Variants in LPP observed in about 807,000 individuals in gnomAD.
The protein encoded by LPP is lipoma-preferred partner.
Under a neutral mutation model 60.4 loss-of-function variants are expected in LPP, and 38 were observed. The ratio of observed to expected loss-of-function variants is 0.63; its 90% CI spans 0.49 to 0.83. The LOEUF is 0.83. Among genes scored for constraint, LPP ranks in the 40% least tolerant of loss-of-function variants. The pLI is 0.00. For missense variants in LPP, 902 were observed against 783.6 expected (o/e 1.15, Z -1.80); for synonymous variants, 328 against 290.8 (o/e 1.13, Z -1.30).
At chr3:188,618,484 G>A (rs1446454768) in intron 7 of LPP, among the ~76,000 whole-genome samples, 1 of 152,108 alleles carries the variant, frequency 6.6e-6, no homozygotes, top group Non-Finnish European at 1.5e-5. Flanking sequence ...AACTGACGTC[G>A]CCTCACTGCC....
chr3:188,262,152 G>T (rs773894095), intron 2 of LPP, among the ~76,000 whole-genome samples: 1 of 152,122 alleles, frequency 6.6e-6, no homozygotes, highest in Non-Finnish European at 1.5e-5. Flanking sequence ...CCCCGAAGGG[G>T]TTTGAGGCAG....
chr3:188,342,695 GA>G (rs1018544475), intron 3 of LPP, among the ~76,000 whole-genome samples: 6 of 152,128 alleles, frequency 3.9e-5, no homozygotes, highest in East Asian at 1.9e-4. Context: ...AGACCTTTGA[GA>G]AGAATAAAAT....
chr3:188,319,112 C>T (rs1285061284), intron 2 of LPP, among the ~76,000 whole-genome samples: 1 of 152,180 alleles, frequency 6.6e-6, no homozygotes, highest in Non-Finnish European at 1.5e-5. Context: ...TATAGTTTCA[C>T]AGATGCTTGA....
intron 9 of LPP, among the ~76,000 whole-genome samples, chr3:188,804,243 T>TATATATATATATATA (rs1553853278): frequency 5.3e-5 from 2 of 37,698 alleles, no homozygotes; most frequent in Non-Finnish European, 8.6e-5. Flanking sequence ...TAGTGCATCT[T>TATATATATATATATA]TATATATATA....
intron 6 of LPP, among the ~76,000 whole-genome samples, chr3:188,578,557 T>A (rs1378305089): frequency 6.6e-6 from 1 of 152,214 alleles, no homozygotes; most frequent in Non-Finnish European, 1.5e-5. Flanking sequence ...TTTTTGTGTG[T>A]CTTACTTTTT....
chr3:188,560,223 T>A lies in LPP; in HGVS notation c.429+35436T>A, dbSNP rs534826269. On this transcript the variant is annotated intron_variant, in intron 6 of 11. Transcript: ENST00000617246. ...GGTTTACTTCCCCTTCTGTAGATGG[T>A]CCAGGGTCTCTGACGCATCTCTGCT... Among the ~76,000 whole-genome samples, 4 of 152,228 alleles carry A rather than the reference T, an allele frequency of 2.6e-5. No homozygotes were observed. In the South Asian group the frequency reaches 8.3e-4, roughly 32 times the overall value.
chr3:188,287,232 C>T (rs1744236952), intron 2 of LPP, among the ~76,000 whole-genome samples: 1 of 152,242 alleles, frequency 6.6e-6, no homozygotes, highest in South Asian at 2.1e-4. Flanking sequence ...CAAGTTTCCA[C>T]CAGCCTCATA....
chr3:188,747,008 T>C (rs560752117), intron 8 of LPP, among the ~76,000 whole-genome samples: 1 of 152,296 alleles, frequency 6.6e-6, no homozygotes, highest in East Asian at 1.9e-4. Context: ...TATCTCATAA[T>C]AAAAACTGAA....
chr3:188,318,305 G>T (rs1044479064), intron 2 of LPP, among the ~76,000 whole-genome samples: 11 of 151,418 alleles, frequency 7.3e-5, no homozygotes, highest in African/African-American at 2.2e-4. Flanking sequence ...TTCTTTTTTT[G>T]GTTCACTGTT....
chr3:188,793,372 G>A (rs1177840696), intron 9 of LPP, among the ~76,000 whole-genome samples: 1 of 151,924 alleles, frequency 6.6e-6, no homozygotes, highest in Admixed American at 6.6e-5. Context: ...AGCAGAGATG[G>A]CGTTTTGTCA....
intron 8 of LPP, among the ~76,000 whole-genome samples, chr3:188,722,305 C>T (rs1170593672): frequency 6.6e-6 from 1 of 152,104 alleles, no homozygotes; most frequent in African/African-American, 2.4e-5. Context: ...ATTGGCATAC[C>T]GGCTCAGTAA....
At chr3:188,281,715 C>T (rs540949190) in intron 2 of LPP, among the ~76,000 whole-genome samples, 1 of 152,030 alleles carries the variant, frequency 6.6e-6, no homozygotes, top group African/African-American at 2.4e-5. Context: ...TTTCTCCTCC[C>T]CCATCTTTCT....
At chr3:188,821,920 T>C (rs900006421) in intron 9 of LPP, among the ~76,000 whole-genome samples, 6 of 152,162 alleles carry the variant, frequency 3.9e-5, no homozygotes, top group African/African-American at 1.4e-4. Flanking sequence ...TCCTTGGGAA[T>C]AAATTATGAT....
At chr3:188,475,818 GC>G (rs1459079902) in intron 4 of LPP, among the ~76,000 whole-genome samples, 1 of 152,180 alleles carries the variant, frequency 6.6e-6, no homozygotes, top group Non-Finnish European at 1.5e-5. Context: ...CAGGAGAATG[GC>G]CTGAACCCGG....
intron 6 of LPP, among the ~76,000 whole-genome samples, chr3:188,598,098 G>C (rs1840340896): frequency 6.6e-6 from 1 of 152,148 alleles, no homozygotes; most frequent in Admixed American, 6.6e-5. Flanking sequence ...GAAGTTGCGA[G>C]ATGGAAGCAG....
At position 188,821,528 on chromosome 3, in the gene LPP, C is replaced by A. The variant is rs1220523132; in HGVS notation, c.1411-44672C>A. Among the ~76,000 whole-genome samples the A allele has an allele frequency of 5.3e-5, 8 of 152,006 alleles. No individual in the cohort carries two copies. The East Asian group carries it at 1.5e-3, about 29-fold the overall frequency. ...ATAATTTATTATAAGTCACTCTTAA[C>A]ACCTAAAAATAGCTAACCTGCTAAC... On this transcript the variant is annotated intron_variant, in intron 9 of 11. Transcript: ENST00000617246.
chr3:188,239,956 A>G (rs193048582), intron 2 of LPP: 1 of 200,156 alleles, frequency 5.0e-6, no homozygotes, highest in South Asian at 1.9e-4. Context: ...TTTATCCCAA[A>G]CACCTCACTT....
At chr3:188,690,283 G>A (rs1454801921) in intron 7 of LPP, among the ~76,000 whole-genome samples, 2 of 152,146 alleles carry the variant, frequency 1.3e-5, no homozygotes, top group African/African-American at 4.8e-5. Flanking sequence ...TATGTGACAT[G>A]TCAGTATTGC....
intron 1 of LPP, among the ~76,000 whole-genome samples, chr3:188,173,728 C>T (rs1722288574): frequency 6.6e-6 from 1 of 152,158 alleles, no homozygotes; most frequent in South Asian, 2.1e-4. Flanking sequence ...TTAAAAGTCA[C>T]TGCATTGAGT....
Sources: allele counts gnomAD v4.1 joint callset (sites outside exome capture counted in the v4.1 genomes callset), GRCh38; gene constraint gnomAD v4.1.1; transcripts MANE v1.5; gene names NCBI Gene and HGNC (gene_info 2026-07-23, HGNC 2026-07-21).